Variants in KCNN2 observed in about 807,000 individuals in gnomAD.
The protein encoded by KCNN2 is small conductance calcium-activated potassium channel protein 2.
KCNN2 carries 24 observed loss-of-function variants against 55.5 expected under a neutral mutation model. That is an observed-to-expected ratio of 0.43 (90% CI 0.31 to 0.61). The LOEUF (loss-of-function observed/expected upper bound fraction) is 0.61. Among genes scored for constraint, KCNN2 ranks in the 20% least tolerant of loss-of-function variants. KCNN2 has a pLI of 0.08. For synonymous variants in KCNN2, 431 were observed against 336.1 expected, an observed-to-expected ratio of 1.28 and a Z score of -3.09; for missense variants, 754 against 853.6, an observed-to-expected ratio of 0.88 and a Z score of 1.45.
chr5:114,292,960 A>G (rs952823077), intron 2 of KCNN2, among the ~76,000 whole-genome samples: 8 of 152,190 alleles, frequency 5.3e-5, no homozygotes, highest in Admixed American at 1.3e-4. Context: ...GCAATTGTGA[A>G]TGGGAGTTTA....
At chr5:114,095,339 A>G (rs960496545) in intron 1 of KCNN2, among the ~76,000 whole-genome samples, 3 of 152,064 alleles carry the variant, frequency 2.0e-5, no homozygotes, top group African/African-American at 4.8e-5. Flanking sequence ...AAACTTCCCA[A>G]CAAGGCTTAG....
chr5:114,192,118 A>G (rs1344377135), intron 1 of KCNN2, among the ~76,000 whole-genome samples: 2 of 152,174 alleles, frequency 1.3e-5, no homozygotes, highest in South Asian at 2.1e-4. Flanking sequence ...GTTCTAATGG[A>G]CATTGCCAGC....
chr5:114,299,589 A>G (rs1432603309), intron 2 of KCNN2, among the ~76,000 whole-genome samples: 4 of 152,124 alleles, frequency 2.6e-5, no homozygotes, highest in Non-Finnish European at 5.9e-5. Context: ...TCTGGAAAGG[A>G]TGTAACATCT....
chr5:114,413,603 A>C (rs1475361028), intron 3 of KCNN2, among the ~76,000 whole-genome samples: 1 of 151,712 alleles, frequency 6.6e-6, no homozygotes, highest in South Asian at 2.1e-4. Flanking sequence ...TTATTTTTTA[A>C]CTCTTTTTGG....
chr5:114,274,408 T>A (rs1755438334), intron 2 of KCNN2, among the ~76,000 whole-genome samples: 1 of 152,172 alleles, frequency 6.6e-6, no homozygotes, highest in South Asian at 2.1e-4. Flanking sequence ...TAGCATTGAA[T>A]CTATAAATTA....
chr5:114,152,392 A>G (rs1248109791), intron 1 of KCNN2, among the ~76,000 whole-genome samples: 1 of 152,224 alleles, frequency 6.6e-6, no homozygotes, highest in Non-Finnish European at 1.5e-5. Context: ...GAAAATCACC[A>G]AATAAACTCA....
intron 1 of KCNN2, among the ~76,000 whole-genome samples, chr5:114,203,849 A>T (rs937368042): frequency 3.3e-5 from 5 of 152,240 alleles, no homozygotes; most frequent in African/African-American, 1.2e-4. Context: ...AACAGCATCT[A>T]TTCAGAAACT....
intron 4 of KCNN2, among the ~76,000 whole-genome samples, chr5:114,465,844 A>G (rs1001273239): frequency 6.6e-6 from 1 of 152,188 alleles, no homozygotes; most frequent in African/African-American, 2.4e-5. Context: ...AGAGAAATTC[A>G]CTAATATTTG....
At chr5:114,131,075 T>C (rs1752062383) in intron 1 of KCNN2, among the ~76,000 whole-genome samples, 3 of 152,164 alleles carry the variant, frequency 2.0e-5, no homozygotes, top group African/African-American at 7.2e-5. Context: ...TTCTAAGCCA[T>C]TGAAAGCACA....
At chr5:114,482,888 G>C (rs34333534) in intron 5 of KCNN2, among the ~76,000 whole-genome samples, 57,267 of 151,960 alleles carry the variant, frequency 0.38, 12,252 homozygotes, top group Non-Finnish European at 0.48. Context: ...GGAGGAGGGG[G>C]TAGGGGGAGT....
intron 2 of KCNN2, among the ~76,000 whole-genome samples, chr5:114,283,306 T>A (rs1755661584): frequency 6.6e-6 from 1 of 152,186 alleles, no homozygotes; most frequent in African/African-American, 2.4e-5. Flanking sequence ...ATTAATTTTC[T>A]CTTGACCGGT....
intron 3 of KCNN2, among the ~76,000 whole-genome samples, chr5:114,451,438 C>A (rs775602503): frequency 2.0e-5 from 3 of 152,018 alleles, no homozygotes; most frequent in African/African-American, 4.8e-5. Context: ...GCCAAACATA[C>A]GCACACACAC....
chr5:114,445,460 CTTTAA>C (rs892728723), intron 3 of KCNN2, among the ~76,000 whole-genome samples: 2 of 152,146 alleles, frequency 1.3e-5, no homozygotes, highest in Non-Finnish European at 2.9e-5. Flanking sequence ...GAAACAAACA[CTTTAA>C]TTAAATTGCA....
intron 1 of KCNN2, among the ~76,000 whole-genome samples, chr5:114,170,681 A>G (rs1336904548): frequency 6.6e-6 from 1 of 151,974 alleles, no homozygotes; most frequent in East Asian, 1.9e-4. Flanking sequence ...ATAGCCTTAA[A>G]TATTTGTACT....
chr5:114,494,167 T>C (rs1251619965), intron 7 of KCNN2, among the ~76,000 whole-genome samples: 2 of 152,032 alleles, frequency 1.3e-5, no homozygotes, highest in East Asian at 1.9e-4. Context: ...GGGTGAATTC[T>C]AAAGGTGGTA....
chr5:114,411,558 G>T (rs778591507), intron 3 of KCNN2, among the ~76,000 whole-genome samples: 1 of 152,126 alleles, frequency 6.6e-6, no homozygotes, highest in Admixed American at 6.5e-5. Context: ...AGAGATGCAG[G>T]TGCAAGTCCT....
chr5:114,237,031 G>A (rs1169370709), intron 2 of KCNN2, among the ~76,000 whole-genome samples: 3 of 152,054 alleles, frequency 2.0e-5, no homozygotes, highest in Non-Finnish European at 4.4e-5. Flanking sequence ...GGTGAACAGT[G>A]CTGCTAAAAT....
At chr5:114,333,610 T>TAA (rs60329622) in intron 2 of KCNN2, among the ~76,000 whole-genome samples, 1 of 147,716 alleles carries the variant, frequency 6.8e-6, no homozygotes, top group African/African-American at 2.5e-5. Flanking sequence ...GAGATGTTAG[T>TAA]AAAAAAAAAA....
intron 3 of KCNN2, among the ~76,000 whole-genome samples, chr5:114,433,040 C>T (rs1028920381): frequency 2.6e-5 from 4 of 152,302 alleles, no homozygotes; most frequent in East Asian, 1.9e-4. Context: ...CCAGTCCCAT[C>T]GACCACCCAA....
Sources: gnomAD v4.1 joint callset for allele counts (sites outside exome capture counted in the v4.1 genomes callset) on GRCh38, gnomAD v4.1.1 for gene constraint, MANE v1.5 for transcripts, NCBI Gene and HGNC (gene_info 2026-07-23, HGNC 2026-07-21) for gene names.